Variants in FBXL2 observed in about 807,000 individuals in gnomAD.
FBXL2 encodes F-box/LRR-repeat protein 2.
In FBXL2, 38 loss-of-function variants were observed where a neutral mutation model predicts 69.2. That is an observed-to-expected ratio of 0.55 (90% CI 0.42 to 0.72). FBXL2 has a LOEUF of 0.72. Ranked by LOEUF, FBXL2 falls within the 30% of genes least tolerant of loss-of-function variation. FBXL2 has a pLI of 0.00. For synonymous variants in FBXL2, 192 were observed against 201.3 expected, an observed-to-expected ratio of 0.95 and a Z score of 0.39; for missense variants, 354 against 520.3, an observed-to-expected ratio of 0.68 and a Z score of 3.11.
chr3:33,362,811 G>A (rs1444245861), intron 4 of FBXL2, among the ~76,000 whole-genome samples: 1 of 147,136 alleles, frequency 6.8e-6, no homozygotes, highest in African/African-American at 2.5e-5. Context: ...TTTTTTTCCT[G>A]TTTATTAGGT....
At chr3:33,348,565 G>T (rs1361849983) in intron 2 of FBXL2, among the ~76,000 whole-genome samples, 1 of 152,096 alleles carries the variant, frequency 6.6e-6, no homozygotes, top group African/African-American at 2.4e-5. Context: ...TTCATATTTT[G>T]ATAGGGATTG....
chr3:33,399,326 TTCC>T (rs1393702169), intron 12 of FBXL2, among the ~76,000 whole-genome samples: 1 of 152,210 alleles, frequency 6.6e-6, no homozygotes, highest in Non-Finnish European at 1.5e-5. Flanking sequence ...CTAAACAGGT[TTCC>T]TATAGCACTA....
intron 2 of FBXL2, among the ~76,000 whole-genome samples, chr3:33,308,408 T>G (rs2036905383): frequency 6.6e-6 from 1 of 152,208 alleles, no homozygotes; most frequent in African/African-American, 2.4e-5. Context: ...TATGAGAAAC[T>G]CATAATTTCA....
At chr3:33,305,863 C>G (rs947944649) in intron 2 of FBXL2, among the ~76,000 whole-genome samples, 4 of 151,718 alleles carry the variant, frequency 2.6e-5, no homozygotes, top group African/African-American at 9.7e-5. Context: ...TTTGTAAACT[C>G]TGCTGTATCT....
At chr3:33,380,721 T>G (rs2042995892) in intron 13 of FBXL2, among the ~76,000 whole-genome samples, 2 of 152,122 alleles carry the variant, frequency 1.3e-5, no homozygotes, top group South Asian at 4.1e-4. Flanking sequence ...CCTGTCTCTT[T>G]CATGCACACA....
intron 12 of FBXL2, chr3:33,396,670 A>C: frequency 2.4e-6 from 1 of 415,658 alleles, no homozygotes; most frequent in South Asian, 2.2e-5. Context: ...ATTTTAATTC[A>C]CAATTAGTTT....
intron 1 of FBXL2, among the ~76,000 whole-genome samples, chr3:33,294,102 A>G (rs928405216): frequency 6.6e-6 from 1 of 152,130 alleles, no homozygotes; most frequent in Non-Finnish European, 1.5e-5. Flanking sequence ...TGAAAATAAC[A>G]TTTATTTTTT....
chr3:33,358,432 C>A (rs982000647), intron 2 of FBXL2, among the ~76,000 whole-genome samples: 15 of 152,184 alleles, frequency 9.9e-5, no homozygotes, highest in African/African-American at 2.7e-4. Context: ...TTCTTCCCCC[C>A]ACCTCTTCCC....
intron 2 of FBXL2, among the ~76,000 whole-genome samples, chr3:33,348,158 T>C (rs1231263191): frequency 6.6e-6 from 1 of 152,168 alleles, no homozygotes; most frequent in Non-Finnish European, 1.5e-5. Context: ...TAGTTAAAGG[T>C]CTTAGATTTA....
the FBXL2 span, chr3:33,409,681 T>G: frequency 6.5e-7 from 1 of 1,535,638 alleles, no homozygotes; most frequent in Non-Finnish European, 8.9e-7. Flanking sequence ...TTGAGTGACC[T>G]GACACCACTA....
In FBXL2 at chr3:33,325,504, G is replaced by T. The variant is rs138379663; in HGVS notation, c.65+27779G>T. 2.0e-3 allele frequency among the ~76,000 whole-genome samples: 304 copies of T among 152,126 alleles called. 1 individual carries two copies. Among genetic ancestry groups the T allele is most frequent in the African/African-American group, 7.1e-3 (296 of 41,510 alleles). On this transcript the variant is annotated intron_variant, in intron 2 of 14. Transcript: ENST00000484457. ...TTACTTACAGTTTTTAGCATGAAGG[G>T]GTGCTGAATTTTGTTGAAGGCCTTT... is the stretch of plus-strand genomic sequence containing the variant.
At chr3:33,402,669 T>C (rs545939326) in intron 12 of FBXL2, 41 of 582,414 alleles carry the variant, frequency 7.0e-5, no homozygotes, top group African/African-American at 5.9e-4. Flanking sequence ...GCCACCAAGA[T>C]ACAGGATACT....
intron 1 of FBXL2, 149 bp downstream of exon 1, chr3:33,277,664 G>A: frequency 2.3e-6 from 2 of 869,166 alleles, no homozygotes; most frequent in Admixed American, 4.4e-5. Context: ...GCAGGGCAGG[G>A]CTGGGCGGGC....
chr3:33,395,750 GAAAAAAA>G (rs61654235), intron 12 of FBXL2, among the ~76,000 whole-genome samples: 13,476 of 70,036 alleles, frequency 0.19, 867 homozygotes, highest in East Asian at 0.48. Flanking sequence ...CAGGAAAATT[GAAAAAAA>G]AAAAAAAAAA....
the FBXL2 span, chr3:33,409,318 GTTTT>G: frequency 6.2e-7 from 1 of 1,614,106 alleles, no homozygotes; most frequent in Non-Finnish European, 8.5e-7. Flanking sequence ...CTCTCGGTCA[GTTTT>G]TTGTTTCCTG....
At chr3:33,367,626 C>G (rs963961838) in intron 5 of FBXL2, among the ~76,000 whole-genome samples, 4 of 151,342 alleles carry the variant, frequency 2.6e-5, no homozygotes, top group African/African-American at 9.7e-5. Flanking sequence ...ATTAAGAGGT[C>G]TATCAATTTT....
At chr3:33,294,727 C>A (rs2035579372) in intron 1 of FBXL2, among the ~76,000 whole-genome samples, 1 of 151,702 alleles carries the variant, frequency 6.6e-6, no homozygotes, top group Non-Finnish European at 1.5e-5. Flanking sequence ...CCTGTAGTCC[C>A]AGCTACTTGG....
At chr3:33,321,284 T>G (rs1157447412) in intron 2 of FBXL2, among the ~76,000 whole-genome samples, 1 of 147,398 alleles carries the variant, frequency 6.8e-6, no homozygotes, top group East Asian at 2.0e-4. Context: ...CACTCCAGCC[T>G]GGGTGACAGA....
intron 2 of FBXL2, among the ~76,000 whole-genome samples, chr3:33,350,011 A>G (rs1375033666): frequency 6.6e-6 from 1 of 152,224 alleles, no homozygotes; most frequent in Non-Finnish European, 1.5e-5. Flanking sequence ...TGTCCGGGAA[A>G]TGGAAGCAGA....
Sources: allele counts gnomAD v4.1 joint callset (sites outside exome capture counted in the v4.1 genomes callset), GRCh38; gene constraint gnomAD v4.1.1; transcripts MANE v1.5; gene names NCBI Gene and HGNC (gene_info 2026-07-23, HGNC 2026-07-21).